The following ADAM28 variants were observed in gnomAD, a reference collection of about 807,000 sequenced individuals.
ADAM28 encodes the protein disintegrin and metalloproteinase domain-containing protein 28.
ADAM28 carries 105 observed loss-of-function variants against 101.2 expected under a neutral mutation model. The observed-to-expected ratio is 1.04, with a 90% confidence interval of 0.89 to 1.22. The LOEUF is 1.22. ADAM28 is among the 50% of genes most tolerant of loss of function. The pLI is 0.00. For missense variants in ADAM28, 1,028 were observed against 945.4 expected (o/e 1.09, Z -1.15); for synonymous variants, 322 against 310.6 (o/e 1.04, Z -0.39).
chr8:24,315,574 A>C (rs1435768927), intron 6 of ADAM28, among the ~76,000 whole-genome samples: 1 of 151,972 alleles, frequency 6.6e-6, no homozygotes, highest in Non-Finnish European at 1.5e-5. Context: ...GAAAAGTATC[A>C]AACATTCAAA....
At chr8:24,301,533 CAT>C (rs1808776697) in intron 2 of ADAM28, among the ~76,000 whole-genome samples, 1 of 152,048 alleles carries the variant, frequency 6.6e-6, no homozygotes, top group Non-Finnish European at 1.5e-5. Flanking sequence ...TTTCAACAAA[CAT>C]ATAACTTAAG....
chr8:24,350,559 CT>C (rs1303053577), intron 19 of ADAM28, among the ~76,000 whole-genome samples: 2 of 152,178 alleles, frequency 1.3e-5, no homozygotes, highest in African/African-American at 2.4e-5. Flanking sequence ...GATCCACCCA[CT>C]TTGGCTTCCC....
chr8:24,296,575 A>G (rs1330577595), intron 1 of ADAM28, among the ~76,000 whole-genome samples: 1 of 152,250 alleles, frequency 6.6e-6, no homozygotes, highest in Non-Finnish European at 1.5e-5. Flanking sequence ...CAAATAATGT[A>G]GCAATCCAGA....
chr8:24,351,398 T>G, intron 20 of ADAM28, 88 bp downstream of exon 20: 9 of 1,343,284 alleles, frequency 6.7e-6, no homozygotes, highest in Non-Finnish European at 9.6e-6. Flanking sequence ...CTATCATTTC[T>G]ACCCAGCAGC....
Position 24,333,578 on chromosome 8 carries a change from A to C in ADAM28, c.1371+829A>C, listed in dbSNP as rs748783308. On this transcript the variant is annotated intron_variant, in intron 13 of 22. Transcript: ENST00000265769. ...TAACCCCAAGTGTGATCATCTCCAA[A>C]GCCAAAGCTGGTTACTCCTACCTGC... is the stretch of plus-strand genomic sequence containing the variant. 2.5e-4 allele frequency among the ~76,000 whole-genome samples: 38 copies of C among 152,236 alleles called. 1 individual carries two copies. The highest frequency in any genetic ancestry group is 5.0e-4 in the Non-Finnish European group (34 of 68,042).
At chr8:24,350,881 T>C (rs1417460105) in intron 19 of ADAM28, among the ~76,000 whole-genome samples, 1 of 151,668 alleles carries the variant, frequency 6.6e-6, no homozygotes, top group African/African-American at 2.4e-5. Flanking sequence ...TTTTTTTTTT[T>C]TTTTTTTTTA....
At chr8:24,294,427 A>G (rs2129223915) in intron 1 of ADAM28, among the ~76,000 whole-genome samples, 1 of 152,328 alleles carries the variant, frequency 6.6e-6, no homozygotes, top group East Asian at 1.9e-4. Flanking sequence ...TATGCATCTC[A>G]TCTGAGAATA....
chr8:24,311,550 C>T, intron 5 of ADAM28, 113 bp downstream of exon 5: 1 of 708,104 alleles, frequency 1.4e-6, no homozygotes, highest in Non-Finnish European at 2.2e-6. Context: ...GAATATAAAT[C>T]ATAAGGGCCA....
intron 1 of ADAM28, among the ~76,000 whole-genome samples, chr8:24,296,744 A>G (rs985127819): frequency 6.6e-6 from 1 of 152,126 alleles, no homozygotes; most frequent in Non-Finnish European, 1.5e-5. Flanking sequence ...TCTGTGGGAG[A>G]GAGAAGGCAA....
chr8:24,313,401 C>G lies in ADAM28; in HGVS notation c.397C>G (p.Gln133Glu). The part of the protein sequence containing the change: ...TCRGLRGYFS[Q>E]GDQRYFIEPL... Reference sequence around the variant, plus strand: ...ATGTTTTTTCAGGGGCTACTTCAGTCAGGGGGATCAAAGATACTTTATTGA... The same window carrying G: ...ATGTTTTTTCAGGGGCTACTTCAGTGAGGGGGATCAAAGATACTTTATTGA... The change falls in exon 6 of 23, where the codon CAG becomes GAG. Residue 133 changes from glutamine to glutamate, a missense_variant. Physicochemically the swap from Gln to Glu is conservative, Grantham distance 29. Transcript: ENST00000265769. The G allele has an allele frequency of 6.2e-7, 1 of 1,610,898 alleles. No individual in the cohort carries two copies. The highest frequency in any genetic ancestry group is 1.3e-5 in the African/African-American group (1 of 74,890).
intron 6 of ADAM28, among the ~76,000 whole-genome samples, chr8:24,318,675 T>A (rs893856478): frequency 3.3e-5 from 5 of 152,004 alleles, no homozygotes; most frequent in African/African-American, 1.2e-4. Context: ...CTACCACCAC[T>A]CATCATTTGT....
chr8:24,328,959 T>C (rs1215219858), intron 10 of ADAM28, among the ~76,000 whole-genome samples: 1 of 151,572 alleles, frequency 6.6e-6, no homozygotes, highest in Non-Finnish European at 1.5e-5. Context: ...AGGTAGGATT[T>C]AGAGTGGGGC....
intron 2 of ADAM28, among the ~76,000 whole-genome samples, chr8:24,306,266 C>CCTGGGAGGCAGAGGTGGCAGTGAG (rs1393651240): frequency 2.0e-5 from 3 of 149,946 alleles, no homozygotes; most frequent in Non-Finnish European, 4.4e-5. Context: ...TCACTTGAAC[C>CCTGGGAGGCAGAGGTGGCAGTGAG]CTGGGAGGCA....
chr8:24,353,135 A>G (rs76962026), intron 21 of ADAM28, among the ~76,000 whole-genome samples: 2,783 of 152,254 alleles, frequency 0.018, 100 homozygotes, highest in African/African-American at 0.064. Context: ...CTGTTATGCA[A>G]TTATTGAGAA....
intron 6 of ADAM28, 92 bp from the exon 7 acceptor site, chr8:24,320,144 A>G: frequency 1.1e-6 from 1 of 926,190 alleles, no homozygotes; most frequent in South Asian, 1.4e-5. Context: ...CCAGATATCA[A>G]CCAACTGCTT....
chr8:24,318,795 CT>C (rs1811497167), intron 6 of ADAM28, among the ~76,000 whole-genome samples: 2 of 151,988 alleles, frequency 1.3e-5, no homozygotes, highest in South Asian at 4.1e-4. Flanking sequence ...ACTTTGCTCC[CT>C]TTTCTGACTA....
At chr8:24,300,647 A>G (rs1032058967) in intron 2 of ADAM28, among the ~76,000 whole-genome samples, 4 of 152,056 alleles carry the variant, frequency 2.6e-5, no homozygotes, top group African/African-American at 9.7e-5. Flanking sequence ...CTATCTCCTG[A>G]CCTTGTGATC....
In ADAM28 at chr8:24,335,490, C is replaced by A; in HGVS notation, c.1416C>A (p.Cys472Ter). Residue 472 changes from cysteine to a stop codon, truncating the protein, a stop_gained, in exon 14 of 23, where the codon TGC becomes TGA. Coordinates refer to ENST00000265769, the MANE Select transcript of ADAM28 (RefSeq NM_014265.6). LOFTEE classifies it high-confidence loss of function. ...TGTGCAGACCAGCAAAAGATGAGTG[C>A]GACCTGCCTGAAATGTGTAATGGTA... The part of the protein sequence containing the change: ...GMVCRPAKDE[C>*]DLPEMCNGKS... 1 of 1,613,854 alleles carries A rather than the reference C, an allele frequency of 6.2e-7. No homozygotes were observed. Among genetic ancestry groups the A allele is most frequent in the South Asian group, 1.1e-5 (1 of 91,042 alleles).
At chr8:24,295,021 G>A (rs936462218) in intron 1 of ADAM28, among the ~76,000 whole-genome samples, 3 of 152,150 alleles carry the variant, frequency 2.0e-5, no homozygotes, top group Non-Finnish European at 4.4e-5. Context: ...TAGAATGTTT[G>A]CTGGGACCTG....
Sources: gnomAD v4.1 joint callset for allele counts (sites outside exome capture counted in the v4.1 genomes callset) on GRCh38, gnomAD v4.1.1 for gene constraint, MANE v1.5 for transcripts, NCBI Gene and HGNC (gene_info 2026-07-23, HGNC 2026-07-21) for gene names.